ROBO1: variants seen among roughly 807,000 people sequenced by gnomAD.
The protein encoded by ROBO1 is roundabout guidance receptor 1.
In ROBO1, 149 loss-of-function variants were observed where a neutral mutation model predicts 195.9. That is an observed-to-expected ratio of 0.76 (90% CI 0.67 to 0.87). ROBO1 has a LOEUF of 0.87. Ranked by LOEUF, ROBO1 falls within the 40% of genes least tolerant of loss-of-function variation. The pLI is 0.00. For missense variants in ROBO1, 1,933 were observed against 2,068.3 expected (o/e 0.93, Z 1.27); for synonymous variants, 816 against 733.2 (o/e 1.11, Z -1.82).
intron 2 of ROBO1, among the ~76,000 whole-genome samples, chr3:79,344,901 A>G (rs2035052173): frequency 6.6e-6 from 1 of 151,948 alleles, no homozygotes; most frequent in African/African-American, 2.4e-5. Context: ...TATAAAGAGC[A>G]GTTTTTTCCT....
chr3:79,699,263 TG>T (rs1947539729), intron 1 of ROBO1, among the ~76,000 whole-genome samples: 1 of 151,298 alleles, frequency 6.6e-6, no homozygotes, highest in Non-Finnish European at 1.5e-5. Context: ...AAATAATATA[TG>T]GTATGGAATT....
intron 4 of ROBO1, among the ~76,000 whole-genome samples, chr3:78,931,224 TTTTC>T (rs1560012982): frequency 1.4e-5 from 2 of 145,164 alleles, no homozygotes; most frequent in Admixed American, 7.2e-5. Flanking sequence ...CAACATTTTC[TTTTC>T]TTTCTTTCTT....
intron 4 of ROBO1, among the ~76,000 whole-genome samples, chr3:78,864,789 CCT>C (rs1014813089): frequency 6.7e-6 from 1 of 150,358 alleles, no homozygotes; most frequent in African/African-American, 2.5e-5. Context: ...CTAGTTTAAC[CCT>C]GTTTGTACAC....
chr3:79,601,909 A>C (rs1233834226), intron 1 of ROBO1, among the ~76,000 whole-genome samples: 1 of 151,966 alleles, frequency 6.6e-6, no homozygotes, highest in Non-Finnish European at 1.5e-5. Context: ...TGGATGTGAC[A>C]TTGAAATTTA....
intron 2 of ROBO1, among the ~76,000 whole-genome samples, chr3:79,563,137 G>A (rs977485645): frequency 4.6e-5 from 7 of 151,934 alleles, no homozygotes; most frequent in African/African-American, 9.7e-5. Flanking sequence ...AACATTGCAC[G>A]TGGACATGTC....
intron 2 of ROBO1, among the ~76,000 whole-genome samples, chr3:79,463,074 C>G (rs1937737041): frequency 6.6e-6 from 1 of 152,088 alleles, no homozygotes; most frequent in African/African-American, 2.4e-5. Flanking sequence ...TGTCTATTCA[C>G]TGTCAGAACC....
chr3:78,725,269 C>T (rs1022410479), intron 5 of ROBO1, among the ~76,000 whole-genome samples: 2 of 152,062 alleles, frequency 1.3e-5, no homozygotes, highest in African/African-American at 4.8e-5. Context: ...ACTGGTCTTG[C>T]TCCTTTTTGG....
At chr3:79,069,220 C>T (rs116325083) in intron 3 of ROBO1, among the ~76,000 whole-genome samples, 2,989 of 151,756 alleles carry the variant, frequency 0.02, 96 homozygotes, top group African/African-American at 0.067. Flanking sequence ...ATTTCCAGTC[C>T]TCAATTTATG....
chr3:79,143,559 T>C (rs1233453453), intron 2 of ROBO1, among the ~76,000 whole-genome samples: 1 of 152,114 alleles, frequency 6.6e-6, no homozygotes, highest in African/African-American at 2.4e-5. Context: ...TAATTGACTA[T>C]GCCATTAAGT....
chr3:79,391,386 T>C (rs1044198640), intron 2 of ROBO1, among the ~76,000 whole-genome samples: 2 of 152,168 alleles, frequency 1.3e-5, no homozygotes, highest in African/African-American at 4.8e-5. Flanking sequence ...ACATTATTTT[T>C]ACAATTTTTA....
intron 5 of ROBO1, among the ~76,000 whole-genome samples, chr3:78,726,194 T>C (rs1400952092): frequency 1.3e-5 from 2 of 152,158 alleles, no homozygotes; most frequent in East Asian, 3.8e-4. Flanking sequence ...ATATTTTACA[T>C]GCAAAATCTG....
chr3:78,739,626 TTGTC>T (rs2082475326), intron 5 of ROBO1, among the ~76,000 whole-genome samples: 2 of 152,278 alleles, frequency 1.3e-5, no homozygotes, highest in South Asian at 2.1e-4. Context: ...TAATTTTAGG[TTGTC>T]TGAGCTATAA....
intron 2 of ROBO1, among the ~76,000 whole-genome samples, chr3:79,575,647 A>G (rs934341794): frequency 6.7e-6 from 1 of 149,214 alleles, no homozygotes; most frequent in Non-Finnish European, 1.5e-5. Flanking sequence ...ACAGAGGAAA[A>G]TTCTCCTTAT....
chr3:79,045,143 C>T (rs972189096), intron 3 of ROBO1, among the ~76,000 whole-genome samples: 2 of 151,588 alleles, frequency 1.3e-5, no homozygotes, highest in African/African-American at 4.8e-5. Flanking sequence ...AAATAAACCC[C>T]CTTAAAGTAA....
chr3:79,625,342 C>G (rs1055330025), intron 1 of ROBO1, among the ~76,000 whole-genome samples: 1 of 133,264 alleles, frequency 7.5e-6, no homozygotes, highest in East Asian at 2.3e-4. Flanking sequence ...CAAGAAATAA[C>G]GAAGATCAGA....
chr3:79,013,541 T>C (rs1173287302), intron 3 of ROBO1, among the ~76,000 whole-genome samples: 1 of 152,226 alleles, frequency 6.6e-6, no homozygotes, highest in Non-Finnish European at 1.5e-5. Flanking sequence ...AGTGGATTTT[T>C]TCTGAGACAA....
chr3:78,802,504 T>A (rs1440155215), intron 4 of ROBO1, among the ~76,000 whole-genome samples: 1 of 152,118 alleles, frequency 6.6e-6, no homozygotes, highest in East Asian at 1.9e-4. Context: ...TCCAAATATG[T>A]AACCAAGATA....
At chr3:79,590,845 T>C (rs1943977427) in intron 1 of ROBO1, among the ~76,000 whole-genome samples, 1 of 151,790 alleles carries the variant, frequency 6.6e-6, no homozygotes, top group South Asian at 2.1e-4. Flanking sequence ...GATAGATAGA[T>C]ATAGATCTAT....
At chr3:78,948,009 T>G (rs1159959940) in intron 3 of ROBO1, among the ~76,000 whole-genome samples, 2 of 152,050 alleles carry the variant, frequency 1.3e-5, no homozygotes, top group Non-Finnish European at 1.5e-5. Flanking sequence ...AATAACAGGC[T>G]CTGAAATTGA....
Sources: gnomAD v4.1 joint callset for allele counts (sites outside exome capture counted in the v4.1 genomes callset) on GRCh38, gnomAD v4.1.1 for gene constraint, MANE v1.5 for transcripts, NCBI Gene and HGNC (gene_info 2026-07-23, HGNC 2026-07-21) for gene names.